The following SERPINA12 variants were observed in gnomAD, a reference collection of about 807,000 sequenced individuals.
SERPINA12 encodes serpin family A member 12.
A neutral mutation model predicts 25.9 loss-of-function variants in SERPINA12; 21 were observed. That is an observed-to-expected ratio of 0.81 (90% CI 0.58 to 1.17). The LOEUF (loss-of-function observed/expected upper bound fraction) is 1.17. Among genes scored for constraint, SERPINA12 ranks in the 50% most tolerant of loss-of-function variants. SERPINA12 has a pLI of 0.00. For missense variants in SERPINA12, 562 were observed against 508.3 expected, an observed-to-expected ratio of 1.11 and a Z score of -1.02; for synonymous variants, 220 against 196.0, an observed-to-expected ratio of 1.12 and a Z score of -1.02.
At chr14:94,511,264 TAC>T (rs58266381), upstream of SERPINA12, 1,300 of 268,022 alleles carry the variant, frequency 4.9e-3, 15 homozygotes, top group African/African-American at 0.027. Flanking sequence ...CATATATATA[TAC>T]ACACACACAT....
At chr14:94,512,618 G>T (rs1413336560), upstream of SERPINA12, among the ~76,000 whole-genome samples, 1 of 152,148 alleles carries the variant, frequency 6.6e-6, no homozygotes, top group African/African-American at 2.4e-5. Flanking sequence ...TGAGGGTGTT[G>T]TGTGCCTAAC....
rs1366190453 is a variant in SERPINA12, at chr14:94,495,099, C to T, written c.905+1274G>A. Among the ~76,000 whole-genome samples, 18 of 126,012 alleles carry T rather than the reference C, an allele frequency of 1.4e-4. No homozygotes were observed. In the South Asian group the frequency reaches 2.7e-3, roughly 19 times the overall value. 82.7% of individuals were successfully genotyped at this position (126,012 alleles called of 152,430 possible). A position where few individuals can be genotyped will look rare whatever the true frequency, so the allele number is the denominator to read the frequency against. ...TTTTTTTTTTTTTGAGATGGAGTCT[C>T]GCTCTGTCGCCCAGGCTGGAGTGCA... On this transcript the variant is annotated intron_variant, in intron 3 of 4. Transcript: ENST00000677451.
In SERPINA12 at chr14:94,489,685, T is replaced by C. The variant is rs758960537; in HGVS notation, c.988A>G (p.Lys330Glu). The C allele has an allele frequency of 6.2e-7, 1 of 1,614,178 alleles. No individual in the cohort carries two copies. The highest frequency in any genetic ancestry group is 8.5e-7 in the Non-Finnish European group (1 of 1,180,022). ...KKTLSYIGVSKIFEEHGDLTK... is the reference protein window; with the variant it reads ...KKTLSYIGVSEIFEEHGDLTK... ...AGATCACCATGTTCCTCAAAGATTTTGGAGACACCTATGTAGGAGAGAGTC... is the reference window on the plus strand; with the variant it reads ...AGATCACCATGTTCCTCAAAGATTTCGGAGACACCTATGTAGGAGAGAGTC... The change falls in exon 4 of 5, where the codon AAA (lysine) becomes GAA (glutamate). Residue 330 changes from lysine to glutamate, a missense_variant. Transcript: ENST00000677451.
intron 1 of SERPINA12, among the ~76,000 whole-genome samples, chr14:94,506,443 A>G (rs1289793638): frequency 6.6e-6 from 1 of 152,188 alleles, no homozygotes; most frequent in East Asian, 1.9e-4. Flanking sequence ...ACCTGATCCT[A>G]GCTGGGGTGC....
chr14:94,505,932 T>G (rs575034924), intron 1 of SERPINA12, among the ~76,000 whole-genome samples: 1 of 152,162 alleles, frequency 6.6e-6, no homozygotes, highest in Non-Finnish European at 1.5e-5. Flanking sequence ...CTGTCCTGCC[T>G]GGGGAAAAGA....
At chr14:94,502,932 C>A (rs948781236) in intron 1 of SERPINA12, among the ~76,000 whole-genome samples, 8 of 152,196 alleles carry the variant, frequency 5.3e-5, no homozygotes, top group Non-Finnish European at 8.8e-5. Context: ...TTCCTCAGAA[C>A]CTTTTCTGAG....
intron 2 of SERPINA12, among the ~76,000 whole-genome samples, chr14:94,497,293 G>T (rs1900471943): frequency 6.6e-6 from 1 of 152,172 alleles, no homozygotes; most frequent in African/African-American, 2.4e-5. Context: ...CCCACCAAGT[G>T]ATCACCATCA....
At chr14:94,515,045 A>T (rs1901197274) in intron 2 of SERPINA12, among the ~76,000 whole-genome samples, 1 of 152,094 alleles carries the variant, frequency 6.6e-6, no homozygotes, top group Non-Finnish European at 1.5e-5. Flanking sequence ...GCTGGGCCTG[A>T]CTCAGTGGCT....
At chr14:94,492,467 C>T (rs1900217380) in intron 3 of SERPINA12, among the ~76,000 whole-genome samples, 2 of 152,166 alleles carry the variant, frequency 1.3e-5, no homozygotes, top group African/African-American at 4.8e-5. Flanking sequence ...TGTCTTCTTG[C>T]ATAGAAGCCA....
chr14:94,498,871 C>G (rs1450063844), intron 1 of SERPINA12, among the ~76,000 whole-genome samples: 2 of 152,170 alleles, frequency 1.3e-5, no homozygotes, highest in Non-Finnish European at 2.9e-5. Flanking sequence ...GCAAAACCCC[C>G]TAAGCTTTGG....
At chr14:94,499,244 C>T (rs561890188) in intron 1 of SERPINA12, among the ~76,000 whole-genome samples, 3 of 152,188 alleles carry the variant, frequency 2.0e-5, no homozygotes, top group Non-Finnish European at 4.4e-5. Context: ...TTCTTCCCTA[C>T]ACCCTTCCCA....
intron 2 of SERPINA12, among the ~76,000 whole-genome samples, chr14:94,515,624 A>G (rs2139869379): frequency 6.6e-6 from 1 of 152,176 alleles, no homozygotes; most frequent in East Asian, 1.9e-4. Flanking sequence ...GTGCTCAAGG[A>G]GCTGATACTC....
At chr14:94,507,572 A>G (rs1900975739) in intron 1 of SERPINA12, among the ~76,000 whole-genome samples, 1 of 152,236 alleles carries the variant, frequency 6.6e-6, no homozygotes, top group African/African-American at 2.4e-5. Context: ...AGATATCCAA[A>G]TGGCCAATAA....
intron 3 of SERPINA12, among the ~76,000 whole-genome samples, chr14:94,493,750 TTC>T (rs1231942987): frequency 6.6e-6 from 1 of 152,170 alleles, no homozygotes; most frequent in East Asian, 1.9e-4. Context: ...GGAGCTTTGG[TTC>T]TGTTATTCCC....
upstream of SERPINA12, chr14:94,511,406 T>G (rs1027892645): frequency 1.0e-6 from 1 of 985,242 alleles, no homozygotes; most frequent in Non-Finnish European, 1.2e-6. Context: ...TAAGAATTTC[T>G]TAATATAAAA....
chr14:94,509,904 A>G, upstream of SERPINA12: 1 of 851,382 alleles, frequency 1.2e-6, no homozygotes, highest in Non-Finnish European at 1.4e-6. Flanking sequence ...TCCCTGGGAC[A>G]GGACAGGAAT....
At chr14:94,515,853 A>G (rs1901219490) in exon 2 of SERPINA12, 1 of 151,816 alleles carries the variant, frequency 6.6e-6, no homozygotes, top group Non-Finnish European at 1.5e-5. Context: ...CCTCCCGAAG[A>G]CTCTTTTTAC....
At chr14:94,505,641 A>G (rs10145558) in intron 1 of SERPINA12, among the ~76,000 whole-genome samples, 21,569 of 152,156 alleles carry the variant, frequency 0.14, 1,963 homozygotes, top group African/African-American at 0.25. Context: ...AGGTCTGTAC[A>G]TCTGGTTTGG....
chr14:94,514,364 G>A (rs938974788), upstream of SERPINA12, among the ~76,000 whole-genome samples: 2 of 152,224 alleles, frequency 1.3e-5, no homozygotes, highest in South Asian at 2.1e-4. Context: ...TGCCAGGCCA[G>A]ATGGGACTCG....
Sources: allele counts gnomAD v4.1 joint callset (sites outside exome capture counted in the v4.1 genomes callset), GRCh38; gene constraint gnomAD v4.1.1; transcripts MANE v1.5; gene names NCBI Gene and HGNC (gene_info 2026-07-23, HGNC 2026-07-21).